The following RBFOX1 variants were observed in gnomAD, a reference collection of about 807,000 sequenced individuals.
RBFOX1 encodes the protein RNA binding fox-1 homolog 1, also known as RNA binding protein fox-1 homolog 1.
In RBFOX1, 8 loss-of-function variants were observed where a neutral mutation model predicts 57.7. The ratio of observed to expected loss-of-function variants is 0.14; its 90% confidence interval spans 0.08 to 0.25. RBFOX1 has a LOEUF of 0.25. Among genes scored for constraint, RBFOX1 ranks in the 10% least tolerant of loss-of-function variants. RBFOX1 has a pLI of 1.00. For missense variants in RBFOX1, 611 were observed against 548.5 expected, an observed-to-expected ratio of 1.11 and a Z score of -1.14; for synonymous variants, 326 against 222.4, an observed-to-expected ratio of 1.47 and a Z score of -4.15.
At chr16:6,330,383 C>T (rs1334842500) in intron 2 of RBFOX1, among the ~76,000 whole-genome samples, 1 of 152,160 alleles carries the variant, frequency 6.6e-6, no homozygotes, top group Non-Finnish European at 1.5e-5. Flanking sequence ...CACAGCAGCT[C>T]TCGTAGTACT....
chr16:6,235,373 GCTGT>G (rs1394494136), intron 1 of RBFOX1, among the ~76,000 whole-genome samples: 4 of 152,070 alleles, frequency 2.6e-5, no homozygotes, highest in East Asian at 1.9e-4. Flanking sequence ...ACCAGCCCCA[GCTGT>G]CTGTCTGTCT....
intron 2 of RBFOX1, among the ~76,000 whole-genome samples, chr16:6,578,579 A>T (rs1271336106): frequency 4.0e-5 from 1 of 24,776 alleles, no homozygotes; most frequent in Non-Finnish European, 1.3e-4. Context: ...GATGTCGGCT[A>T]TGGGTATTGG....
chr16:5,918,680 A>G (rs2152223899), intron 4 of RBFOX1, among the ~76,000 whole-genome samples: 1 of 152,380 alleles, frequency 6.6e-6, no homozygotes, highest in Non-Finnish European at 1.5e-5. Flanking sequence ...GAACTCATTC[A>G]GTTAACCAAG....
intron 4 of RBFOX1, among the ~76,000 whole-genome samples, chr16:5,895,125 A>G (rs1040300636): frequency 6.6e-6 from 1 of 152,258 alleles, no homozygotes; most frequent in African/African-American, 2.4e-5. Context: ...GTATTTTTAT[A>G]ATAGAAAAGC....
At chr16:7,582,170 T>C (rs1346982596) in intron 6 of RBFOX1, among the ~76,000 whole-genome samples, 1 of 152,062 alleles carries the variant, frequency 6.6e-6, no homozygotes, top group Non-Finnish European at 1.5e-5. Flanking sequence ...TGGGACTACA[T>C]GCATTCACCA....
At chr16:6,575,894 T>TAAAG (rs1365745602) in intron 2 of RBFOX1, among the ~76,000 whole-genome samples, 1 of 150,630 alleles carries the variant, frequency 6.6e-6, no homozygotes, top group Non-Finnish European at 1.5e-5. Flanking sequence ...AATAAATAAA[T>TAAAG]AAAGATTAAT....
At chr16:6,483,934 G>C in intron 2 of RBFOX1, 1 of 1,067,320 alleles carries the variant, frequency 9.4e-7, no homozygotes, top group South Asian at 3.1e-5. Context: ...CCGAGCTCCA[G>C]CTCCGGGGAC....
At chr16:6,566,343 C>G (rs113944819) in intron 2 of RBFOX1, among the ~76,000 whole-genome samples, 24 of 152,268 alleles carry the variant, frequency 1.6e-4, no homozygotes, top group East Asian at 5.8e-4. Flanking sequence ...AAAGCAGTAC[C>G]TTTAAGATGT....
In RBFOX1 at chr16:6,478,416, TATATATATA is replaced by T. The variant is rs1567368699; in HGVS notation, c.-64+161360_-64+161368del. On this transcript the variant is annotated intron_variant, in intron 2 of 15. Coordinates refer to ENST00000550418, the MANE Select transcript of RBFOX1 (RefSeq NM_018723.4). ...ATATATATATATATATATATATATA[TATATATATA>T]TATATTTTTTTTTTTTTTTTTTGTA... Among the ~76,000 whole-genome samples the T allele has an allele frequency of 3.0e-3, 74 of 24,748 alleles. 2 individuals are homozygous for T. The highest frequency in any genetic ancestry group is 4.2e-3 in the Non-Finnish European group (62 of 14,654). The allele number at this position is 24,748 out of a possible 152,430, so 16.2% of individuals were successfully genotyped here.
chr16:6,450,873 A>ACATATATATATGTATATATATATATATG (rs2094605799), intron 2 of RBFOX1, among the ~76,000 whole-genome samples: 1 of 48,220 alleles, frequency 2.1e-5, no homozygotes. Flanking sequence ...ATATATATAT[A>ACATATATATATGTATATATATATATATG]TCTCCTCTGA....
intron 1 of RBFOX1, among the ~76,000 whole-genome samples, chr16:6,291,744 A>G (rs1047437670): frequency 6.6e-6 from 1 of 152,222 alleles, no homozygotes; most frequent in South Asian, 2.1e-4. Flanking sequence ...TGAAAATTGT[A>G]TACTTCTCTT....
intron 3 of RBFOX1, among the ~76,000 whole-genome samples, chr16:6,808,884 A>G (rs139396619): frequency 1.8e-4 from 28 of 152,294 alleles, no homozygotes; most frequent in Admixed American, 3.3e-4. Context: ...GCAGGGAACA[A>G]TATCGGATAA....
intron 1 of RBFOX1, among the ~76,000 whole-genome samples, chr16:5,456,339 A>C (rs2068630949): frequency 6.6e-6 from 1 of 152,152 alleles, no homozygotes; most frequent in Non-Finnish European, 1.5e-5. Context: ...TAGGGAGAAA[A>C]AAAGTGAAAC....
intron 2 of RBFOX1, among the ~76,000 whole-genome samples, chr16:6,344,394 T>TTTTTTC (rs2085009796): frequency 1.1e-5 from 1 of 89,768 alleles, no homozygotes; most frequent in Non-Finnish European, 2.0e-5. Flanking sequence ...TCTTCTTCTT[T>TTTTTTC]TTTCTTTTTT....
chr16:5,994,519 A>G (rs34025257), intron 4 of RBFOX1, among the ~76,000 whole-genome samples: 9,119 of 152,246 alleles, frequency 0.06, 358 homozygotes, highest in South Asian at 0.13. Context: ...TGGTACCACA[A>G]TTTTAGCAGC....
At position 5,719,403 on chromosome 16, in the gene RBFOX1, G is replaced by A. The variant is rs111269421; in HGVS notation, c.318+120442G>A. On this transcript the variant is annotated intron_variant, in intron 3 of 19. Transcript: ENST00000641259. Reference sequence around the variant, plus strand: ...TTTTTTGTATTTTTAGTAGACACGGGGTTTCACCATGTTCGCCAGGATGGT... The same window carrying A: ...TTTTTTGTATTTTTAGTAGACACGGAGTTTCACCATGTTCGCCAGGATGGT... Among the ~76,000 whole-genome samples, 319 of 151,490 alleles carry A rather than the reference G, an allele frequency of 2.1e-3. 2 individuals carry two copies. The highest frequency in any genetic ancestry group is 7.6e-3 in the African/African-American group (314 of 41,254).
intron 3 of RBFOX1, among the ~76,000 whole-genome samples, chr16:6,778,482 A>C (rs1311545764): frequency 6.6e-6 from 1 of 152,154 alleles, no homozygotes; most frequent in African/African-American, 2.4e-5. Context: ...AAATATAATT[A>C]CACCCAATCC....
chr16:6,883,237 C>T (rs760353803), intron 3 of RBFOX1, among the ~76,000 whole-genome samples: 1 of 152,186 alleles, frequency 6.6e-6, no homozygotes, highest in Admixed American at 6.5e-5. Context: ...CGCTTTGCTA[C>T]ACTATGGGTT....
intron 1 of RBFOX1, among the ~76,000 whole-genome samples, chr16:6,168,105 C>T (rs1346964941): frequency 6.6e-6 from 1 of 152,138 alleles, no homozygotes; most frequent in Non-Finnish European, 1.5e-5. Flanking sequence ...AATGGGGGCA[C>T]ACGCAGATTT....
Sources: gnomAD v4.1 joint callset for allele counts (sites outside exome capture counted in the v4.1 genomes callset) on GRCh38, gnomAD v4.1.1 for gene constraint, MANE v1.5 for transcripts, NCBI Gene and HGNC (gene_info 2026-07-23, HGNC 2026-07-21) for gene names.